PCCA: variants seen among roughly 807,000 people sequenced by gnomAD.
The protein encoded by PCCA is propionyl-CoA carboxylase subunit alpha, also known as propionyl-CoA carboxylase alpha chain, mitochondrial.
PCCA carries 74 observed loss-of-function variants against 101.3 expected under a neutral mutation model. That is an observed-to-expected ratio of 0.73 (90% CI 0.61 to 0.89). The LOEUF (loss-of-function observed/expected upper bound fraction) is 0.89, where lower values mean the gene tolerates loss of function less well. PCCA is among the 40% of genes least tolerant of loss of function. The pLI is 0.00. For synonymous variants in PCCA, 294 were observed against 313.6 expected (o/e 0.94, Z 0.66); for missense variants, 891 against 907.0 (o/e 0.98, Z 0.23).
chr13:100,417,576 A>T (rs2078459146), intron 19 of PCCA, among the ~76,000 whole-genome samples: 1 of 152,130 alleles, frequency 6.6e-6, no homozygotes. Flanking sequence ...TGAGAGATGC[A>T]GTGGCCGGGG....
At chr13:100,342,399 G>A (rs997683707) in intron 18 of PCCA, among the ~76,000 whole-genome samples, 7 of 151,958 alleles carry the variant, frequency 4.6e-5, no homozygotes, top group Non-Finnish European at 1.0e-4. Context: ...GAGTAGTTGG[G>A]ACTACAGGCA....
intron 16 of PCCA, among the ~76,000 whole-genome samples, chr13:100,324,069 A>G (rs1245656445): frequency 6.6e-6 from 1 of 152,224 alleles, no homozygotes; most frequent in Non-Finnish European, 1.5e-5. Context: ...ACAAGAGTGG[A>G]CTAAAGTAAT....
At chr13:100,136,779 GT>G (rs1288824037) in intron 4 of PCCA, among the ~76,000 whole-genome samples, 1 of 151,122 alleles carries the variant, frequency 6.6e-6, no homozygotes, top group African/African-American at 2.4e-5. Context: ...TTTGGATGTC[GT>G]TTTTTTCTTC....
At chr13:100,126,110 A>G (rs555038711) in intron 4 of PCCA, among the ~76,000 whole-genome samples, 2 of 152,302 alleles carry the variant, frequency 1.3e-5, no homozygotes, top group African/African-American at 2.4e-5. Context: ...ATTATCTACC[A>G]TAGTGCCTGT....
At chr13:100,396,540 A>G (rs915020327) in intron 19 of PCCA, among the ~76,000 whole-genome samples, 1 of 152,220 alleles carries the variant, frequency 6.6e-6, no homozygotes, top group Non-Finnish European at 1.5e-5. Context: ...TTTTAAAAAT[A>G]AGACAAAAGG....
At chr13:100,362,319 CA>C (rs2074705340) in intron 18 of PCCA, among the ~76,000 whole-genome samples, 1 of 152,022 alleles carries the variant, frequency 6.6e-6, no homozygotes, top group African/African-American at 2.4e-5. Flanking sequence ...GTTGCTGAAA[CA>C]AAAGAGAGGG....
At chr13:100,282,087 A>G (rs542197043) in intron 12 of PCCA, among the ~76,000 whole-genome samples, 1 of 152,252 alleles carries the variant, frequency 6.6e-6, no homozygotes, top group East Asian at 1.9e-4. Flanking sequence ...ATTCATTTAT[A>G]TTTCTGTGAA....
chr13:100,495,770 A>C (rs1194755572), intron 21 of PCCA, among the ~76,000 whole-genome samples: 3 of 152,114 alleles, frequency 2.0e-5, no homozygotes, highest in Non-Finnish European at 4.4e-5. Flanking sequence ...TTTTAATCCT[A>C]CACTTATTTT....
chr13:100,232,355 T>TGTGGGGGG (rs2060534462), intron 7 of PCCA, among the ~76,000 whole-genome samples: 1 of 143,528 alleles, frequency 7.0e-6, no homozygotes, highest in African/African-American at 2.7e-5. Context: ...TGTATGCGTG[T>TGTGGGGGG]GTGTGTGTGT....
chr13:100,387,667 C>A (rs2152836387), intron 19 of PCCA, among the ~76,000 whole-genome samples: 1 of 152,268 alleles, frequency 6.6e-6, no homozygotes, highest in South Asian at 2.1e-4. Context: ...TGAAGAGTAA[C>A]CTTGCACAGC....
At position 100,530,278 on chromosome 13, in the gene PCCA, C is replaced by G. The variant is rs978174904; in HGVS notation, c.*112C>G. The stretch of plus-strand genomic sequence containing the variant: ...GAACACCCCTGTGCAGCTACGTTTA[C>G]GTCGTCATTTATTCCACAGAGTCAA... On this transcript the variant is annotated 3_prime_UTR_variant, in exon 24 of 24. Transcript: ENST00000376285. 4.6e-6 allele frequency: 4 copies of G among 871,742 alleles called. No individual in the cohort carries two copies. The highest frequency in any genetic ancestry group is 7.7e-6 in the Non-Finnish European group (4 of 522,492). 54.0% of individuals were successfully genotyped at this position (871,742 alleles called of 1,614,324 possible). A position where few individuals can be genotyped will look rare whatever the true frequency, so the allele number is the denominator to read the frequency against.
At chr13:100,381,363 T>C (rs2076215746) in intron 19 of PCCA, among the ~76,000 whole-genome samples, 1 of 142,782 alleles carries the variant, frequency 7.0e-6, no homozygotes, top group East Asian at 2.0e-4. Flanking sequence ...CACTCCAGCC[T>C]GGGCGATAGA....
intron 20 of PCCA, among the ~76,000 whole-genome samples, chr13:100,438,344 T>C (rs2080096636): frequency 6.6e-6 from 1 of 151,788 alleles, no homozygotes; most frequent in Non-Finnish European, 1.5e-5. Flanking sequence ...TTTGTAGAGA[T>C]GAGGGCACAC....
intron 21 of PCCA, among the ~76,000 whole-genome samples, chr13:100,505,866 C>A (rs1420293371): frequency 1.3e-5 from 2 of 148,432 alleles, no homozygotes; most frequent in Non-Finnish European, 1.5e-5. Context: ...CCTCCCCCAT[C>A]CCCCCCAAAA....
chr13:100,122,524 G>T (rs1292306571), intron 4 of PCCA, among the ~76,000 whole-genome samples: 3 of 152,078 alleles, frequency 2.0e-5, no homozygotes, highest in Non-Finnish European at 4.4e-5. Flanking sequence ...GGTTTTTTCA[G>T]ATATTCTGTT....
intron 20 of PCCA, among the ~76,000 whole-genome samples, chr13:100,443,635 A>C (rs1340799211): frequency 7.3e-6 from 1 of 136,324 alleles, no homozygotes; most frequent in Admixed American, 8.2e-5. Flanking sequence ...GCCACGCAGC[A>C]GTTCAGTGGG....
At chr13:100,206,062 A>G (rs1043941920) in intron 6 of PCCA, among the ~76,000 whole-genome samples, 4 of 152,110 alleles carry the variant, frequency 2.6e-5, no homozygotes, top group African/African-American at 9.7e-5. Context: ...GATTTGCATA[A>G]GATTTTTTTT....
Position 100,203,048 on chromosome 13 carries a change from G to A in PCCA, c.469-6284G>A, listed in dbSNP as rs772159584. 3.2e-4 allele frequency among the ~76,000 whole-genome samples: 49 copies of A among 152,044 alleles called. 1 individual carries two copies. Among genetic ancestry groups the A allele is most frequent in the Non-Finnish European group, 5.9e-4 (40 of 67,976 alleles). On this transcript the variant is annotated intron_variant, in intron 6 of 23. Coordinates refer to ENST00000376285, the MANE Select transcript of PCCA (RefSeq NM_000282.4). The stretch of plus-strand genomic sequence containing the variant: ...AGCACTTTGGGAGGCCAAGGTAGGC[G>A]GATCACGAGATCAGGAGTTCGATAC...
intron 7 of PCCA, among the ~76,000 whole-genome samples, chr13:100,227,748 G>C (rs2060227628): frequency 6.6e-6 from 1 of 152,140 alleles, no homozygotes; most frequent in African/African-American, 2.4e-5. Context: ...TGGACCACCA[G>C]GTAGTTTATC....
Sources: allele counts gnomAD v4.1 joint callset (sites outside exome capture counted in the v4.1 genomes callset), GRCh38; gene constraint gnomAD v4.1.1; transcripts MANE v1.5; gene names NCBI Gene and HGNC (gene_info 2026-07-23, HGNC 2026-07-21).